PTPRD: variants seen among roughly 807,000 people sequenced by gnomAD.
PTPRD encodes the protein receptor-type tyrosine-protein phosphatase delta.
In PTPRD, 34 loss-of-function variants were observed where a neutral mutation model predicts 214.5. The ratio of observed to expected loss-of-function variants is 0.16; its 90% CI spans 0.12 to 0.21. PTPRD has a LOEUF of 0.21. Among genes scored for constraint, PTPRD ranks in the 10% least tolerant of loss-of-function variants. PTPRD has a pLI of 1.00. For missense variants in PTPRD, 2,545 were observed against 2,398.7 expected, an observed-to-expected ratio of 1.06 and a Z score of -1.27; for synonymous variants, 1,128 against 845.7, an observed-to-expected ratio of 1.33 and a Z score of -5.79.
At chr9:10,196,364 A>G (rs1198897205) in intron 3 of PTPRD, among the ~76,000 whole-genome samples, 2 of 152,124 alleles carry the variant, frequency 1.3e-5, no homozygotes, top group Non-Finnish European at 1.5e-5. Context: ...ATATATGTAA[A>G]GTGCTTTGAA....
intron 8 of PTPRD, among the ~76,000 whole-genome samples, chr9:9,515,964 C>A (rs1475134695): frequency 6.6e-6 from 1 of 152,022 alleles, no homozygotes; most frequent in Non-Finnish European, 1.5e-5. Flanking sequence ...ATTTGGAAGA[C>A]CAAATTTCAG....
At chr9:10,201,419 A>C (rs1395654036) in intron 3 of PTPRD, among the ~76,000 whole-genome samples, 2 of 152,086 alleles carry the variant, frequency 1.3e-5, no homozygotes, top group Non-Finnish European at 2.9e-5. Flanking sequence ...CAAATGTTTA[A>C]AGCATAGATC....
intron 9 of PTPRD, among the ~76,000 whole-genome samples, chr9:9,202,084 T>A (rs1049521641): frequency 1.3e-5 from 2 of 152,204 alleles, no homozygotes; most frequent in African/African-American, 2.4e-5. Flanking sequence ...AGATGCCATT[T>A]GGATGGACTT....
chr9:9,749,878 G>A (rs2098499253), intron 6 of PTPRD, among the ~76,000 whole-genome samples: 1 of 152,132 alleles, frequency 6.6e-6, no homozygotes, highest in Non-Finnish European at 1.5e-5. Context: ...ATAAGTTGAA[G>A]TTGGATTTAG....
intron 8 of PTPRD, among the ~76,000 whole-genome samples, chr9:9,488,259 A>T (rs1205350046): frequency 6.6e-6 from 1 of 152,192 alleles, no homozygotes; most frequent in Non-Finnish European, 1.5e-5. Flanking sequence ...CACTCTCTGG[A>T]ATATAGTTAC....
At chr9:8,598,662 T>C (rs1426871193) in intron 14 of PTPRD, among the ~76,000 whole-genome samples, 1 of 152,152 alleles carries the variant, frequency 6.6e-6, no homozygotes, top group Non-Finnish European at 1.5e-5. Flanking sequence ...ACCAATCAAA[T>C]GTACAATGCT....
chr9:9,053,954 G>T (rs1045265942), intron 10 of PTPRD, among the ~76,000 whole-genome samples: 4 of 152,138 alleles, frequency 2.6e-5, no homozygotes, highest in African/African-American at 9.7e-5. Context: ...CCTATTAAAA[G>T]ATTCCCCCTA....
intron 8 of PTPRD, among the ~76,000 whole-genome samples, chr9:9,533,907 C>T (rs566035870): frequency 6.6e-6 from 1 of 151,888 alleles, no homozygotes; most frequent in Non-Finnish European, 1.5e-5. Flanking sequence ...TATTTATCTC[C>T]TTTTTACTGT....
chr9:9,956,084 T>G (rs918816749), intron 4 of PTPRD, among the ~76,000 whole-genome samples: 3 of 152,150 alleles, frequency 2.0e-5, no homozygotes, highest in Non-Finnish European at 4.4e-5. Flanking sequence ...TAAAAAAATA[T>G]ATAGATTTTG....
intron 2 of PTPRD, among the ~76,000 whole-genome samples, chr9:10,574,217 G>A (rs1005227109): frequency 2.6e-5 from 4 of 151,998 alleles, no homozygotes; most frequent in African/African-American, 9.7e-5. Context: ...GTGTGTGCGT[G>A]CATGTGTGTG....
intron 11 of PTPRD, among the ~76,000 whole-genome samples, chr9:8,947,652 CTTTTG>C (rs973686933): frequency 6.6e-6 from 1 of 151,796 alleles, no homozygotes; most frequent in African/African-American, 2.4e-5. Flanking sequence ...GAGTTCTGTG[CTTTTG>C]TTTTGTTTTG....
chr9:8,875,376 T>A (rs929429300), intron 11 of PTPRD, among the ~76,000 whole-genome samples: 3 of 151,962 alleles, frequency 2.0e-5, no homozygotes, highest in Non-Finnish European at 2.9e-5. Context: ...ATTTTTTTTT[T>A]AATTAGCCAG....
intron 2 of PTPRD, among the ~76,000 whole-genome samples, chr9:10,419,975 C>T (rs1399794948): frequency 2.0e-5 from 3 of 151,824 alleles, no homozygotes; most frequent in African/African-American, 7.2e-5. Context: ...CATAGATAAT[C>T]AGATTTATAA....
intron 14 of PTPRD, among the ~76,000 whole-genome samples, chr9:8,592,495 G>A (rs2094182390): frequency 5.9e-5 from 9 of 152,150 alleles, no homozygotes; most frequent in Admixed American, 5.2e-4. Flanking sequence ...TTTACTTGCA[G>A]AGTAGAAATT....
intron 42 of PTPRD, among the ~76,000 whole-genome samples, chr9:8,340,019 C>T (rs903869973): frequency 1.3e-5 from 2 of 152,174 alleles, no homozygotes; most frequent in South Asian, 2.1e-4. Flanking sequence ...ACATCAAACT[C>T]TAGCCTGTCC....
chr9:10,054,990 GAAAA>G (rs369680773), intron 3 of PTPRD, among the ~76,000 whole-genome samples: 4,807 of 151,590 alleles, frequency 0.032, 139 homozygotes, highest in Admixed American at 0.092. Context: ...TTAAAAGAAA[GAAAA>G]AAAGAAAGAA....
intron 5 of PTPRD, among the ~76,000 whole-genome samples, chr9:9,901,897 G>T (rs1318598460): frequency 2.0e-5 from 3 of 152,160 alleles, no homozygotes; most frequent in Non-Finnish European, 2.9e-5. Flanking sequence ...ACTAGATCTT[G>T]CGAGAACTCG....
rs145030186 is a variant in PTPRD at position 8,637,045 on chromosome 9, T to C, written c.65-201A>G. ...AAGGGGAAGGACATAACTTTCTGGT[T>C]AAGTTATCTATTAGTGCTTTTATTG... On this transcript the variant is annotated intron_variant, in intron 12 of 45. Coordinates refer to ENST00000381196, the MANE Select transcript of PTPRD (RefSeq NM_002839.4). 1.2e-3 allele frequency among the ~76,000 whole-genome samples: 185 copies of C among 152,302 alleles called. 2 individuals are homozygous for C. The highest frequency in any genetic ancestry group is 4.3e-3 in the African/African-American group (179 of 41,556).
chr9:9,879,167 G>T (rs1565958908), intron 5 of PTPRD, among the ~76,000 whole-genome samples: 1 of 152,196 alleles, frequency 6.6e-6, no homozygotes, highest in African/African-American at 2.4e-5. Flanking sequence ...AAGGACTAGA[G>T]AAATTGTAAT....
Sources: allele counts gnomAD v4.1 joint callset (sites outside exome capture counted in the v4.1 genomes callset), GRCh38; gene constraint gnomAD v4.1.1; transcripts MANE v1.5; gene names NCBI Gene and HGNC (gene_info 2026-07-23, HGNC 2026-07-21).